GRK5: variants seen among roughly 807,000 people sequenced by gnomAD.
GRK5 encodes g protein-coupled receptor kinase GRK5.
Under a neutral mutation model 78.4 loss-of-function variants are expected in GRK5, and 40 were observed. The observed-to-expected ratio is 0.51, with a 90% confidence interval of 0.40 to 0.66. GRK5 has a LOEUF of 0.66. Among genes scored for constraint, GRK5 ranks in the 30% least tolerant of loss-of-function variants. The pLI, the probability that GRK5 is intolerant of heterozygous loss-of-function variation, is 0.00. For synonymous variants in GRK5, 289 were observed against 296.8 expected (o/e 0.97, Z 0.27); for missense variants, 598 against 759.9 (o/e 0.79, Z 2.50).
chr10:119,327,178 C>G (rs569831741), intron 2 of GRK5, among the ~76,000 whole-genome samples: 65 of 152,284 alleles, frequency 4.3e-4, no homozygotes, highest in African/African-American at 1.5e-3. Flanking sequence ...AGCCACTGGG[C>G]TCAGTGGCAC....
At chr10:119,214,333 G>A (rs942444419) in intron 1 of GRK5, among the ~76,000 whole-genome samples, 1 of 152,014 alleles carries the variant, frequency 6.6e-6, no homozygotes, top group Non-Finnish European at 1.5e-5. Flanking sequence ...TTTTTTCCCC[G>A]AAGAGCTGAG....
chr10:119,425,213 G>C (rs1055965614), intron 6 of GRK5, 128 bp downstream of exon 6: 2 of 647,610 alleles, frequency 3.1e-6, no homozygotes, highest in Non-Finnish European at 5.7e-6. Flanking sequence ...GACTCCCCCT[G>C]TTAATTAAGT....
chr10:119,428,442 A>G (rs1852746958), intron 6 of GRK5, among the ~76,000 whole-genome samples: 1 of 152,220 alleles, frequency 6.6e-6, no homozygotes, highest in Admixed American at 6.5e-5. Context: ...GAGTTCAAAT[A>G]ATGACATCTG....
intron 2 of GRK5, among the ~76,000 whole-genome samples, chr10:119,356,431 T>A (rs753675141): frequency 1.6e-4 from 24 of 152,200 alleles, no homozygotes; most frequent in Non-Finnish European, 3.5e-4. Flanking sequence ...ATAGAATCAG[T>A]CTCTAGTCCC....
chr10:119,342,295 G>A (rs1850997093), intron 2 of GRK5, among the ~76,000 whole-genome samples: 1 of 152,248 alleles, frequency 6.6e-6, no homozygotes, highest in African/African-American at 2.4e-5. Context: ...AACCAAACCG[G>A]TGCTGCTGGA....
Position 119,452,284 on chromosome 10 carries a change from C to G in GRK5, c.1405-387C>G, listed in dbSNP as rs372187738. 1.1e-4 allele frequency among the ~76,000 whole-genome samples: 16 copies of G among 152,258 alleles called. No individual in the cohort carries two copies. The South Asian group carries it at 3.3e-3, about 32-fold the overall frequency. The stretch of plus-strand genomic sequence containing the variant: ...CTAAGCCCCACAGCTGGGACTCTAG[C>G]CCACGTCTGTCCAGTATGGGTAAGG... On this transcript the variant is annotated intron_variant, in intron 13 of 15. Coordinates refer to ENST00000392870, the MANE Select transcript of GRK5 (RefSeq NM_005308.3). This position sits in a 1 kb window ranked among gnomAD's most constrained non-coding sequence, Gnocchi z 4.4.
At chr10:119,390,494 G>C (rs1851872398) in intron 3 of GRK5, among the ~76,000 whole-genome samples, 1 of 152,030 alleles carries the variant, frequency 6.6e-6, no homozygotes, top group Non-Finnish European at 1.5e-5. Flanking sequence ...TAGGAGTTCG[G>C]GACCAGCCTG....
chr10:119,294,915 G>A (rs1230167440), intron 1 of GRK5, among the ~76,000 whole-genome samples: 1 of 152,178 alleles, frequency 6.6e-6, no homozygotes, highest in Non-Finnish European at 1.5e-5. Context: ...GGCTGGCTGG[G>A]TGCAGTGGCT....
chr10:119,267,878 A>G lies in GRK5; in HGVS notation c.53-58638A>G, dbSNP rs1849527193. 6.6e-6 allele frequency among the ~76,000 whole-genome samples: 1 copy of G among 152,150 alleles called. No individual in the cohort carries two copies. ...ACTCCCCACCCCCCACAGCCCAGCC[A>G]GGTCCAAAACCCTACATGCTGCCTC... is the stretch of plus-strand genomic sequence containing the variant. On this transcript the variant is annotated intron_variant, in intron 1 of 15. Coordinates refer to ENST00000392870, the MANE Select transcript of GRK5 (RefSeq NM_005308.3). The surrounding 1 kb of genome is among the most constrained non-coding windows in gnomAD (Gnocchi z 4.1).
intron 1 of GRK5, among the ~76,000 whole-genome samples, chr10:119,256,625 G>T (rs370952565): frequency 9.3e-4 from 113 of 121,114 alleles, no homozygotes; most frequent in African/African-American, 3.5e-3. Context: ...CACCCCTATT[G>T]CACCCCACCC....
At chr10:119,342,835 A>G (rs567178141) in intron 2 of GRK5, among the ~76,000 whole-genome samples, 88 of 152,008 alleles carry the variant, frequency 5.8e-4, no homozygotes, top group African/African-American at 2.0e-3. Context: ...CCTGAGCCCC[A>G]TTCCTGCCCC....
chr10:119,281,231 G>A (rs1378077915), intron 1 of GRK5, among the ~76,000 whole-genome samples: 3 of 149,830 alleles, frequency 2.0e-5, no homozygotes, highest in Non-Finnish European at 4.5e-5. Context: ...CTGCTCACAT[G>A]GACACCTCTT....
intron 1 of GRK5, among the ~76,000 whole-genome samples, chr10:119,302,189 C>G (rs1271818361): frequency 6.6e-6 from 1 of 152,196 alleles, no homozygotes; most frequent in East Asian, 1.9e-4. Context: ...TTCAAGGAGA[C>G]TTGAAGCTAG....
intron 1 of GRK5, among the ~76,000 whole-genome samples, chr10:119,239,436 C>T (rs762803376): frequency 1.2e-4 from 19 of 152,084 alleles, no homozygotes; most frequent in African/African-American, 3.9e-4. Context: ...GGGGTTTTGC[C>T]GTGTTGCCAG....
At chr10:119,279,672 C>T (rs987942579) in intron 1 of GRK5, among the ~76,000 whole-genome samples, 10 of 152,212 alleles carry the variant, frequency 6.6e-5, no homozygotes, top group African/African-American at 1.9e-4. Context: ...GTGGCCGAGG[C>T]CAGCTCCAAC....
At chr10:119,444,240 A>G (rs1287060301) in intron 12 of GRK5, among the ~76,000 whole-genome samples, 8 of 152,028 alleles carry the variant, frequency 5.3e-5, no homozygotes, top group Admixed American at 5.2e-4. Context: ...GTTTTCCACC[A>G]CTAGATGGAC....
intron 2 of GRK5, among the ~76,000 whole-genome samples, chr10:119,353,720 G>A (rs928428523): frequency 6.6e-6 from 1 of 152,158 alleles, no homozygotes; most frequent in Non-Finnish European, 1.5e-5. Flanking sequence ...GGGCCCCAGA[G>A]GTCCCAGACC....
At chr10:119,241,026 G>T (rs1849016271) in intron 1 of GRK5, among the ~76,000 whole-genome samples, 1 of 152,196 alleles carries the variant, frequency 6.6e-6, no homozygotes, top group Admixed American at 6.5e-5. Context: ...ACCCTTTGCT[G>T]GGGGCCACTT....
intron 4 of GRK5, among the ~76,000 whole-genome samples, chr10:119,418,154 G>T: frequency 6.6e-6 from 1 of 152,210 alleles, no homozygotes; most frequent in East Asian, 1.9e-4. Flanking sequence ...TTCCTCCAGT[G>T]CAGGATTCAA....
Sources: allele counts gnomAD v4.1 joint callset (sites outside exome capture counted in the v4.1 genomes callset), GRCh38; gene constraint gnomAD v4.1.1; non-coding constraint Gnocchi (gnomAD v3.1); transcripts MANE v1.5; gene names NCBI Gene and HGNC (gene_info 2026-07-23, HGNC 2026-07-21).